Variants in NPY2R observed in about 807,000 individuals in gnomAD.
NPY2R encodes neuropeptide Y receptor type 2.
NPY2R carries 17 observed loss-of-function variants against 22.3 expected under a neutral mutation model. The ratio of observed to expected loss-of-function variants is 0.76; its 90% CI spans 0.52 to 1.14. NPY2R has a LOEUF of 1.14. NPY2R is among the 50% of genes most tolerant of loss of function. NPY2R has a pLI of 0.00. For missense variants in NPY2R, 424 were observed against 467.9 expected, an observed-to-expected ratio of 0.91 and a Z score of 0.87; for synonymous variants, 209 against 183.4, an observed-to-expected ratio of 1.14 and a Z score of -1.13.
the NPY2R span, among the ~76,000 whole-genome samples, chr4:155,202,432 A>G: frequency 6.6e-6 from 1 of 152,178 alleles, no homozygotes; most frequent in Admixed American, 6.5e-5. Flanking sequence ...AATCAATAGC[A>G]GGTCTGTGTA....
chr4:155,181,872 C>G, the NPY2R span, among the ~76,000 whole-genome samples: 71,608 of 151,928 alleles, frequency 0.47, 17,585 homozygotes, highest in East Asian at 0.69. Flanking sequence ...CCATAACACT[C>G]ATGGTAGTGG....
chr4:155,204,872 G>C (rs1196630154), upstream of NPY2R, among the ~76,000 whole-genome samples: 1 of 106,378 alleles, frequency 9.4e-6, no homozygotes, highest in African/African-American at 3.7e-5. Context: ...CTGGGGCGGG[G>C]GGCGGGGAGA....
chr4:155,203,278 G>A, the NPY2R span, among the ~76,000 whole-genome samples: 9 of 152,026 alleles, frequency 5.9e-5, no homozygotes, highest in Non-Finnish European at 4.4e-5. Flanking sequence ...TAAGACACCT[G>A]CCTTATTCAT....
At chr4:155,173,764 G>C in the NPY2R span, 1 of 151,600 alleles carries the variant, frequency 6.6e-6, no homozygotes, top group African/African-American at 2.4e-5. Flanking sequence ...CCACAGACAC[G>C]AATTCTCATG....
the NPY2R span, among the ~76,000 whole-genome samples, chr4:155,185,814 T>A: frequency 6.6e-6 from 1 of 152,160 alleles, no homozygotes; most frequent in African/African-American, 2.4e-5. Flanking sequence ...AATCAGTGTG[T>A]ATTATAGTTT....
At chr4:155,201,314 G>A in the NPY2R span, among the ~76,000 whole-genome samples, 1 of 152,074 alleles carries the variant, frequency 6.6e-6, no homozygotes, top group Non-Finnish European at 1.5e-5. Context: ...CTCTCTTTTA[G>A]AAGCTTTTCT....
chr4:155,205,058 G>A (rs1200346465), upstream of NPY2R, among the ~76,000 whole-genome samples: 1 of 152,050 alleles, frequency 6.6e-6, no homozygotes, highest in Non-Finnish European at 1.5e-5. Flanking sequence ...AGTTTAAGTG[G>A]ACCTGTGCAG....
the NPY2R span, among the ~76,000 whole-genome samples, chr4:155,198,887 G>A: frequency 6.6e-6 from 1 of 151,844 alleles, no homozygotes; most frequent in Admixed American, 6.6e-5. Flanking sequence ...ATACTACCCA[G>A]TGAAAGTAGT....
chr4:155,203,377 T>C, the NPY2R span, among the ~76,000 whole-genome samples: 1 of 152,314 alleles, frequency 6.6e-6, no homozygotes, highest in South Asian at 2.1e-4. Flanking sequence ...CAAACTTTAC[T>C]GGACTACTCG....
the NPY2R span, among the ~76,000 whole-genome samples, chr4:155,182,610 T>C: frequency 5.5e-4 from 84 of 152,232 alleles, no homozygotes; most frequent in Middle Eastern, 3.4e-3. Context: ...ACAATGAAGT[T>C]CTCTTGGGTT....
the NPY2R span, among the ~76,000 whole-genome samples, chr4:155,181,033 T>C: frequency 6.6e-6 from 1 of 151,942 alleles, no homozygotes; most frequent in Non-Finnish European, 1.5e-5. Context: ...ATTTTTCCTT[T>C]ATTTGTATTA....
the NPY2R span, among the ~76,000 whole-genome samples, chr4:155,196,766 ACT>A: frequency 6.6e-6 from 1 of 151,338 alleles, no homozygotes; most frequent in Non-Finnish European, 1.5e-5. Context: ...ACCAAAGAGG[ACT>A]CTCTGGGGCC....
chr4:155,215,617 T>C lies in NPY2R; in HGVS notation c.*532T>C, dbSNP rs1396815227. On this transcript the variant is annotated 3_prime_UTR_variant, in exon 2 of 2. Transcript: ENST00000329476. Reference sequence around the variant, plus strand: ...CATCAGGGAATGCTGCAGGAAACGATTGCCAACTATACGAATGGCTTCGAG... The same window carrying C: ...CATCAGGGAATGCTGCAGGAAACGACTGCCAACTATACGAATGGCTTCGAG... 1 of 189,142 alleles carries C rather than the reference T, an allele frequency of 5.3e-6. No individual in the cohort carries two copies. The highest frequency in any genetic ancestry group is 1.2e-5 in the Non-Finnish European group (1 of 80,788). 11.7% of individuals were successfully genotyped at this position (189,142 alleles called of 1,614,324 possible).
the NPY2R span, among the ~76,000 whole-genome samples, chr4:155,203,161 C>G: frequency 1.3e-5 from 2 of 152,116 alleles, no homozygotes; most frequent in Non-Finnish European, 2.9e-5. Context: ...AAACTCAAAA[C>G]AAAAATAAAA....
chr4:155,191,417 C>T, the NPY2R span, among the ~76,000 whole-genome samples: 4 of 151,878 alleles, frequency 2.6e-5, no homozygotes, highest in Non-Finnish European at 1.5e-5. Context: ...GAACTGTAGC[C>T]TAACCAGAAG....
At chr4:155,202,968 G>A in the NPY2R span, among the ~76,000 whole-genome samples, 1 of 152,048 alleles carries the variant, frequency 6.6e-6, no homozygotes, top group Non-Finnish European at 1.5e-5. Context: ...ACTTAAAAAT[G>A]TCCCTTCCTT....
chr4:155,211,813 C>T (rs1205271627), intron 1 of NPY2R, among the ~76,000 whole-genome samples: 2 of 152,152 alleles, frequency 1.3e-5, no homozygotes, highest in Non-Finnish European at 2.9e-5. Flanking sequence ...GACCAAGGCC[C>T]CCGGAACAGG....
chr4:155,214,356 C>T lies in NPY2R; in HGVS notation c.417C>T (p.Ile139=). The change falls in exon 2 of 2, where the codon ATC becomes ATT. Residue 139 remains isoleucine, a synonymous_variant. Coordinates refer to ENST00000329476, the MANE Select transcript of NPY2R (RefSeq NM_000910.4). ...GCCTGGCAGTACAAGTATCCACAAT[C>T]ACCTTGACAGTAATTGCCCTGGACC... The part of the protein sequence containing the change: ...AQGLAVQVST[I]TLTVIALDRH... 6.2e-7 allele frequency: 1 copy of T among 1,614,184 alleles called. No homozygotes were observed. Among genetic ancestry groups the T allele is most frequent in the South Asian group, 1.1e-5 (1 of 91,072 alleles).
Position 155,216,306 on chromosome 4 carries a change from A to T in NPY2R, c.*1221A>T, listed in dbSNP as rs1356394562. On this transcript the variant is annotated 3_prime_UTR_variant, in exon 2 of 2. Coordinates refer to ENST00000329476, the MANE Select transcript of NPY2R (RefSeq NM_000910.4). ...CATAAAAATTGTTTCTATAAATTGT[A>T]GAACATAGATGCTACAGTATTTTTT... 1.8e-5 allele frequency: 3 copies of T among 166,644 alleles called. No homozygotes were observed. The East Asian group carries it at 5.8e-4, about 32-fold the overall frequency. 10.3% of individuals were successfully genotyped at this position (166,644 alleles called of 1,614,324 possible). A position where few individuals can be genotyped will look rare whatever the true frequency, so the allele number is the denominator to read the frequency against.
Sources: allele counts gnomAD v4.1 joint callset (sites outside exome capture counted in the v4.1 genomes callset), GRCh38; gene constraint gnomAD v4.1.1; transcripts MANE v1.5; gene names NCBI Gene and HGNC (gene_info 2026-07-23, HGNC 2026-07-21).